Variants in NRXN3 observed in about 807,000 individuals in gnomAD.
The protein encoded by NRXN3 is neurexin 3.
Under a neutral mutation model 137.6 loss-of-function variants are expected in NRXN3, and 32 were observed. The ratio of observed to expected loss-of-function variants is 0.23; its 90% CI spans 0.18 to 0.31. The LOEUF (loss-of-function observed/expected upper bound fraction) is 0.31, where lower values mean the gene tolerates loss of function less well. Ranked by LOEUF, NRXN3 falls within the 10% of genes least tolerant of loss-of-function variation. NRXN3 has a pLI of 1.00. For missense variants in NRXN3, 1,574 were observed against 2,062.5 expected, an observed-to-expected ratio of 0.76 and a Z score of 4.59; for synonymous variants, 798 against 784.5, an observed-to-expected ratio of 1.02 and a Z score of -0.29.
intron 20 of NRXN3, among the ~76,000 whole-genome samples, chr14:79,858,458 A>T (rs2099407436): frequency 6.6e-6 from 1 of 152,204 alleles, no homozygotes; most frequent in African/African-American, 2.4e-5. Context: ...GTTTGCCTTT[A>T]TATTCAAACT....
chr14:79,372,021 C>G (rs2094125809), intron 15 of NRXN3, among the ~76,000 whole-genome samples: 1 of 152,082 alleles, frequency 6.6e-6, no homozygotes. Flanking sequence ...ATTTGTTGAA[C>G]AATTTATATG....
intron 2 of NRXN3, among the ~76,000 whole-genome samples, chr14:78,255,695 G>A (rs1305027634): frequency 6.6e-6 from 1 of 152,210 alleles, no homozygotes; most frequent in Non-Finnish European, 1.5e-5. Flanking sequence ...CTTAGTTAAT[G>A]CACTTACAGG....
intron 2 of NRXN3, among the ~76,000 whole-genome samples, chr14:78,252,431 T>A (rs2068783090): frequency 6.6e-6 from 1 of 152,178 alleles, no homozygotes; most frequent in Non-Finnish European, 1.5e-5. Flanking sequence ...GGCTGTGAAA[T>A]GCATATAGGA....
chr14:78,535,302 CT>C (rs889174530), intron 4 of NRXN3, among the ~76,000 whole-genome samples: 81 of 152,242 alleles, frequency 5.3e-4, no homozygotes, highest in African/African-American at 1.9e-3. Context: ...GTCTGTTGAA[CT>C]TGGGGCTTAG....
At chr14:79,583,066 A>G (rs1331971526) in intron 16 of NRXN3, among the ~76,000 whole-genome samples, 2 of 152,222 alleles carry the variant, frequency 1.3e-5, no homozygotes, top group Non-Finnish European at 2.9e-5. Flanking sequence ...TCTAAAACAC[A>G]CAAAAAAGTA....
At chr14:79,148,878 T>C (rs1479411391) in intron 15 of NRXN3, among the ~76,000 whole-genome samples, 2 of 152,176 alleles carry the variant, frequency 1.3e-5, no homozygotes, top group Non-Finnish European at 2.9e-5. Flanking sequence ...CCTTTCTTAT[T>C]CTTTTTTGTG....
At chr14:79,508,446 G>A in intron 16 of NRXN3, among the ~76,000 whole-genome samples, 1 of 121,028 alleles carries the variant, frequency 8.3e-6, no homozygotes, top group Admixed American at 1.1e-4. Flanking sequence ...TTGGAGTGCA[G>A]TGGCACGATC....
intron 16 of NRXN3, among the ~76,000 whole-genome samples, chr14:79,572,030 T>C (rs1602288299): frequency 6.6e-6 from 1 of 152,336 alleles, no homozygotes; most frequent in East Asian, 1.9e-4. Flanking sequence ...GTATTGATTG[T>C]TGAGTCCTGA....
At chr14:79,139,528 A>G (rs2058589010) in intron 15 of NRXN3, among the ~76,000 whole-genome samples, 1 of 152,178 alleles carries the variant, frequency 6.6e-6, no homozygotes, top group South Asian at 2.1e-4. Flanking sequence ...TAAGGCTACA[A>G]TATTACACCT....
intron 16 of NRXN3, among the ~76,000 whole-genome samples, chr14:79,566,066 G>A (rs1602204558): frequency 6.6e-6 from 1 of 152,084 alleles, no homozygotes; most frequent in Admixed American, 6.6e-5. Flanking sequence ...AGTCGGAGGG[G>A]AATGCATCTG....
rs11848406 is a variant in NRXN3 at position 79,105,917 on chromosome 14, A to G, written c.3262+117776A>G. On this transcript the variant is annotated intron_variant, in intron 15 of 20. Coordinates refer to ENST00000335750, the MANE Select transcript of NRXN3 (RefSeq NM_001330195.2). Reference sequence around the variant, plus strand: ...TCTTTCTTCTCTTATCGTTATGATTATTATTACTACTACTACTTTTCTGAC... The same window carrying G: ...TCTTTCTTCTCTTATCGTTATGATTGTTATTACTACTACTACTTTTCTGAC... Among the ~76,000 whole-genome samples, 1,286 of 152,176 alleles carry G rather than the reference A, an allele frequency of 8.5e-3. 20 individuals carry two copies. Among genetic ancestry groups the G allele is most frequent in the African/African-American group, 0.028 (1,165 of 41,544 alleles).
chr14:79,123,269 G>A (rs1294100426), intron 15 of NRXN3, among the ~76,000 whole-genome samples: 1 of 152,010 alleles, frequency 6.6e-6, no homozygotes, highest in African/African-American at 2.4e-5. Context: ...ACAAGCCTGG[G>A]AAGGAAGAGC....
At chr14:79,192,395 A>T (rs1461837024) in intron 15 of NRXN3, among the ~76,000 whole-genome samples, 2 of 152,192 alleles carry the variant, frequency 1.3e-5, no homozygotes, top group African/African-American at 4.8e-5. Flanking sequence ...TCACCGAGGA[A>T]CCATCAGGAG....
chr14:78,885,588 G>T (rs1217720005), intron 10 of NRXN3, among the ~76,000 whole-genome samples: 1 of 152,042 alleles, frequency 6.6e-6, no homozygotes, highest in African/African-American at 2.4e-5. Flanking sequence ...TTCCAAATTT[G>T]TATGATGTCA....
intron 16 of NRXN3, among the ~76,000 whole-genome samples, chr14:79,581,554 C>T (rs2097716399): frequency 6.6e-6 from 1 of 152,136 alleles, no homozygotes. Context: ...TTCGTCAATG[C>T]CCCATTGGAT....
intron 4 of NRXN3, among the ~76,000 whole-genome samples, chr14:78,393,840 A>C (rs891870756): frequency 2.6e-5 from 4 of 151,982 alleles, no homozygotes; most frequent in African/African-American, 9.7e-5. Flanking sequence ...TTTATATCTA[A>C]GTGCTTTAAG....
intron 16 of NRXN3, among the ~76,000 whole-genome samples, chr14:79,539,377 G>A (rs553004488): frequency 3.9e-4 from 60 of 152,216 alleles, no homozygotes; most frequent in African/African-American, 1.4e-3. Context: ...GTTAATCACT[G>A]CTATTCTGCC....
chr14:79,169,191 T>G (rs2061552693), intron 15 of NRXN3, among the ~76,000 whole-genome samples: 1 of 152,130 alleles, frequency 6.6e-6, no homozygotes, highest in South Asian at 2.1e-4. Context: ...AAAGATTTTC[T>G]GCCTTTCACA....
chr14:78,954,189 G>C (rs753971540), intron 10 of NRXN3, among the ~76,000 whole-genome samples: 3 of 152,054 alleles, frequency 2.0e-5, no homozygotes, highest in Non-Finnish European at 4.4e-5. Context: ...TTGATTTCCC[G>C]CTGAGTGTAA....
Sources: gnomAD v4.1 joint callset for allele counts (sites outside exome capture counted in the v4.1 genomes callset) on GRCh38, gnomAD v4.1.1 for gene constraint, MANE v1.5 for transcripts, NCBI Gene and HGNC (gene_info 2026-07-23, HGNC 2026-07-21) for gene names.